Variants in HS6ST2 observed in about 807,000 individuals in gnomAD.
HS6ST2 encodes heparan sulfate 6-O-sulfotransferase 2, also known as heparan-sulfate 6-O-sulfotransferase 2.
Under a neutral mutation model 33.0 loss-of-function variants are expected in HS6ST2, and 17 were observed. The observed-to-expected ratio is 0.52, with a 90% confidence interval of 0.35 to 0.77. The LOEUF (loss-of-function observed/expected upper bound fraction) is 0.77. HS6ST2 is among the 30% of genes least tolerant of loss of function. The probability of loss-of-function intolerance (pLI) is 0.01; values close to 1 mark genes in which losing one functional copy is unlikely to be tolerated. For synonymous variants in HS6ST2, 248 were observed against 237.1 expected (o/e 1.05, Z -0.42); for missense variants, 519 against 551.7 (o/e 0.94, Z 0.59).
chrX:132,864,522 T>G (rs1412415623), intron 2 of HS6ST2, among the ~76,000 whole-genome samples: 1 of 105,647 alleles, frequency 9.5e-6, no homozygotes, highest in African/African-American at 3.5e-5. Context: ...ATCAACTTAA[T>G]GAAATAAAGT....
chrX:132,673,870 C>T (rs1209192048), intron 3 of HS6ST2, among the ~76,000 whole-genome samples: 1 of 112,067 alleles, frequency 8.9e-6, no homozygotes, highest in African/African-American at 3.2e-5. Context: ...AAGAGACTCA[C>T]ATTTCTGAAG....
chrX:132,869,464 A>G (rs2066033094), intron 2 of HS6ST2, among the ~76,000 whole-genome samples: 1 of 111,938 alleles, frequency 8.9e-6, no homozygotes, highest in African/African-American at 3.2e-5. Context: ...ACACAACAAA[A>G]AAAGAAAATT....
At chrX:132,851,436 T>C (rs1320647182) in intron 2 of HS6ST2, among the ~76,000 whole-genome samples, 1 of 112,537 alleles carries the variant, frequency 8.9e-6, no homozygotes, top group Non-Finnish European at 1.9e-5. Context: ...CTTGCCACTG[T>C]ATGAGTCTGG....
intron 4 of HS6ST2, among the ~76,000 whole-genome samples, chrX:132,647,004 G>A (rs931000445): frequency 2.7e-4 from 30 of 111,190 alleles, no homozygotes; most frequent in African/African-American, 9.8e-4. Context: ...ACCTGCTGCT[G>A]GGTCCCTCCC....
chrX:132,894,756 G>C (rs764251058), intron 2 of HS6ST2, among the ~76,000 whole-genome samples: 58 of 110,303 alleles, frequency 5.3e-4, no homozygotes, highest in Admixed American at 5.1e-3. Flanking sequence ...GGCTGGTCTC[G>C]AGCTCCTGAC....
chrX:132,747,882 A>G (rs975847002), intron 2 of HS6ST2, among the ~76,000 whole-genome samples: 1 of 111,520 alleles, frequency 9.0e-6, no homozygotes, highest in African/African-American at 3.3e-5. Context: ...CCACTATGGG[A>G]AGGAAACTGC....
chrX:132,935,828 T>A (rs1259919875), intron 2 of HS6ST2, among the ~76,000 whole-genome samples: 1 of 110,092 alleles, frequency 9.1e-6, no homozygotes, highest in African/African-American at 3.3e-5. Flanking sequence ...ACAAAACATA[T>A]CAAAGCTTAT....
intron 2 of HS6ST2, among the ~76,000 whole-genome samples, chrX:132,804,213 G>A (rs1014041631): frequency 2.7e-5 from 3 of 111,842 alleles, no homozygotes; most frequent in African/African-American, 9.7e-5. Flanking sequence ...AGCTTGGGAG[G>A]CCAAAAGATT....
At chrX:132,680,922 C>A (rs978157812) in intron 3 of HS6ST2, among the ~76,000 whole-genome samples, 6 of 110,238 alleles carry the variant, frequency 5.4e-5, no homozygotes, top group Non-Finnish European at 7.6e-5. Flanking sequence ...ATCACTTAAA[C>A]CTGGGAGGCA....
At chrX:132,671,936 T>C (rs1432028852) in intron 3 of HS6ST2, among the ~76,000 whole-genome samples, 1 of 111,816 alleles carries the variant, frequency 8.9e-6, no homozygotes, top group African/African-American at 3.3e-5. Context: ...GTAGATGTAC[T>C]AATGACTGTG....
chrX:132,894,514 TGTTATGTTATGTTA>T (rs1289568024), intron 2 of HS6ST2, among the ~76,000 whole-genome samples: 1 of 107,883 alleles, frequency 9.3e-6, no homozygotes, highest in Non-Finnish European at 1.9e-5. Flanking sequence ...TGTTATGTTA[TGTTATGTTATGTTA>T]TTTATTTTGA....
At position 132,942,467 on chromosome X, in the gene HS6ST2, T is replaced by C. The variant is rs148326275; in HGVS notation, c.947+14341A>G. Among the ~76,000 whole-genome samples the C allele has an allele frequency of 9.0e-3, 1,017 of 112,416 alleles. 6 individuals are homozygous for C. The highest frequency in any genetic ancestry group is 0.031 in the African/African-American group (963 of 30,983). Reference sequence around the variant, plus strand: ...CCTTCAGCTTTGCATAATGGCACTTTTCTAAAGCTGCCCCTTCCAAAAGGA... The same window carrying C: ...CCTTCAGCTTTGCATAATGGCACTTCTCTAAAGCTGCCCCTTCCAAAAGGA... On this transcript the variant is annotated intron_variant, in intron 2 of 4. Coordinates refer to ENST00000370833, the MANE Select transcript of HS6ST2 (RefSeq NM_001394073.1).
chrX:132,685,512 C>G (rs1238420958), intron 3 of HS6ST2, among the ~76,000 whole-genome samples: 2 of 111,245 alleles, frequency 1.8e-5, no homozygotes, highest in Non-Finnish European at 3.8e-5. Flanking sequence ...GTGTTGTACC[C>G]AATGCATGCT....
intron 2 of HS6ST2, among the ~76,000 whole-genome samples, chrX:132,817,571 G>A (rs1258362496): frequency 2.7e-5 from 3 of 111,808 alleles, no homozygotes; most frequent in Non-Finnish European, 5.6e-5. Context: ...CAAGACTTAC[G>A]GAGTCACACC....
At chrX:132,721,640 A>T (rs1177384598) in intron 2 of HS6ST2, among the ~76,000 whole-genome samples, 1 of 112,010 alleles carries the variant, frequency 8.9e-6, no homozygotes, top group Non-Finnish European at 1.9e-5. Flanking sequence ...ATAAAAATTC[A>T]TTTCCCCCAT....
intron 3 of HS6ST2, among the ~76,000 whole-genome samples, chrX:132,697,767 T>G (rs1010496402): frequency 3.6e-5 from 4 of 111,713 alleles, no homozygotes; most frequent in African/African-American, 1.3e-4. Context: ...TAGTTCTATC[T>G]CCCAAATTCA....
chrX:132,907,230 G>A (rs1022820215), intron 2 of HS6ST2: 5 of 111,976 alleles, frequency 4.5e-5, no homozygotes, highest in Non-Finnish European at 7.5e-5. Flanking sequence ...TGCTATCTAG[G>A]GGTACAGTAA....
intron 4 of HS6ST2, among the ~76,000 whole-genome samples, chrX:132,662,346 C>T (rs776162444): frequency 6.2e-5 from 7 of 112,084 alleles, no homozygotes; most frequent in Non-Finnish European, 9.4e-5. Flanking sequence ...CATCACTCTT[C>T]CTTGCATTCC....
intron 2 of HS6ST2, among the ~76,000 whole-genome samples, chrX:132,952,553 T>C (rs1381470942): frequency 9.0e-6 from 1 of 111,250 alleles, no homozygotes; most frequent in Non-Finnish European, 1.9e-5. Flanking sequence ...ACACACTCTA[T>C]AGTTACAGCT....
Sources: gnomAD v4.1 joint callset for allele counts (sites outside exome capture counted in the v4.1 genomes callset) on GRCh38, gnomAD v4.1.1 for gene constraint, MANE v1.5 for transcripts, NCBI Gene and HGNC (gene_info 2026-07-23, HGNC 2026-07-21) for gene names.